TRAF2: variants seen among roughly 807,000 people sequenced by gnomAD.
TRAF2 encodes TNF receptor associated factor 2.
TRAF2 carries 6 observed loss-of-function variants against 55.6 expected under a neutral mutation model. The ratio of observed to expected loss-of-function variants is 0.11; its 90% CI spans 0.06 to 0.21. The LOEUF (loss-of-function observed/expected upper bound fraction) is 0.21. Among genes scored for constraint, TRAF2 ranks in the 10% least tolerant of loss-of-function variants. The probability of loss-of-function intolerance (pLI) is 1.00; values close to 1 mark genes in which losing one functional copy is unlikely to be tolerated. For missense variants in TRAF2, 561 were observed against 684.5 expected, an observed-to-expected ratio of 0.82 and a Z score of 2.01; for synonymous variants, 329 against 276.3, an observed-to-expected ratio of 1.19 and a Z score of -1.89.
At chr9:136,913,527 G>A (rs1409880930) in intron 6 of TRAF2, among the ~76,000 whole-genome samples, 2 of 151,614 alleles carry the variant, frequency 1.3e-5, no homozygotes, top group Admixed American at 1.3e-4. Context: ...TCAAACTCCT[G>A]ACCTCGTGAT....
intron 6 of TRAF2, among the ~76,000 whole-genome samples, chr9:136,913,339 C>G (rs1850166842): frequency 7.3e-6 from 1 of 137,508 alleles, no homozygotes; most frequent in African/African-American, 2.8e-5. Context: ...TCTCTGCCGC[C>G]CAGGCTGGAG....
upstream of TRAF2, among the ~76,000 whole-genome samples, chr9:136,885,858 A>T (rs1386816560): frequency 1.3e-5 from 2 of 152,174 alleles, no homozygotes; most frequent in Non-Finnish European, 2.9e-5. Flanking sequence ...GCAGAGCATT[A>T]CCTCACCCCA....
chr9:136,904,745 C>T (rs1402969800), intron 4 of TRAF2, among the ~76,000 whole-genome samples: 1 of 79,322 alleles, frequency 1.3e-5, no homozygotes, highest in Non-Finnish European at 2.6e-5. Flanking sequence ...AGAACATTGA[C>T]TATTTGTGCT....
intron 9 of TRAF2, 111 bp downstream of exon 9, chr9:136,921,326 C>T: frequency 1.5e-6 from 2 of 1,356,256 alleles, no homozygotes; most frequent in East Asian, 2.4e-5. Flanking sequence ...TGGGATACGA[C>T]CCCCAGTGAT....
At chr9:136,888,363 G>A (rs990814474) in intron 1 of TRAF2, among the ~76,000 whole-genome samples, 5 of 152,020 alleles carry the variant, frequency 3.3e-5, no homozygotes, top group Admixed American at 2.0e-4. Flanking sequence ...CCCGGGAGGC[G>A]GAGCTTGCAG....
At chr9:136,893,508 G>A (rs1000863388) in intron 1 of TRAF2, among the ~76,000 whole-genome samples, 1 of 152,214 alleles carries the variant, frequency 6.6e-6, no homozygotes, top group African/African-American at 2.4e-5. Context: ...CCTGTATGCG[G>A]CGTCAGTTTT....
rs1850002235 is a variant in TRAF2, at chr9:136,908,139, G to C, written c.436G>C (p.Gly146Arg). The C allele has an allele frequency of 6.2e-7, 1 of 1,605,220 alleles. No homozygotes were observed. The highest frequency in any genetic ancestry group is 1.3e-5 in the African/African-American group (1 of 74,938). Residue 146 changes from glycine to arginine, a missense_variant, in exon 5 of 11, where the codon GGT (glycine) becomes CGT (arginine). Physicochemically the swap from Gly to Arg is moderately radical, Grantham distance 125 (BLOSUM62 -2). Around this residue, in one of 2 missense-constraint regions of TRAF2, gnomAD observed 426 missense variants for 476.8 expected, o/e 0.89. Transcript: ENST00000247668. ...CGCGTGCAAAGGCCTGGTCCGCCTTGGTGAAAAGGAGCGCCACCTGGAGCA... is the reference window on the plus strand; with the variant it reads ...CGCGTGCAAAGGCCTGGTCCGCCTTCGTGAAAAGGAGCGCCACCTGGAGCA... Reference protein sequence around the residue: ...CPACKGLVRLGEKERHLEHEC... With the variant: ...CPACKGLVRLREKERHLEHEC...
At chr9:136,895,298 G>A (rs1368711237) in intron 1 of TRAF2, among the ~76,000 whole-genome samples, 2 of 152,220 alleles carry the variant, frequency 1.3e-5, no homozygotes, top group Non-Finnish European at 2.9e-5. Flanking sequence ...TCTGCCTGGT[G>A]GGTGGGTCCA....
chr9:136,907,393 C>T lies in TRAF2; in HGVS notation c.367-677C>T, dbSNP rs1849979746. On this transcript the variant is annotated intron_variant, in intron 4 of 10. Coordinates refer to ENST00000247668, the MANE Select transcript of TRAF2 (RefSeq NM_021138.4). ...TCCTGGGTGGCTCAGTGTGTGGGAACGTGTAGGTGCCTGAGTGACCTTCCT... is the reference window on the plus strand; with the variant it reads ...TCCTGGGTGGCTCAGTGTGTGGGAATGTGTAGGTGCCTGAGTGACCTTCCT... Among the ~76,000 whole-genome samples the T allele has an allele frequency of 2.0e-5, 3 of 152,372 alleles. No individual in the cohort carries two copies. The East Asian group carries it at 5.8e-4, about 29-fold the overall frequency.
chr9:136,893,360 G>C (rs767508844), intron 1 of TRAF2, among the ~76,000 whole-genome samples: 1 of 152,248 alleles, frequency 6.6e-6, no homozygotes, highest in Non-Finnish European at 1.5e-5. Context: ...CAGAAGCTGG[G>C]ATTGAAAGCA....
intron 4 of TRAF2, among the ~76,000 whole-genome samples, chr9:136,906,792 G>A (rs1447886482): frequency 6.6e-6 from 1 of 152,250 alleles, no homozygotes; most frequent in Admixed American, 6.5e-5. Flanking sequence ...GGCACGTTCA[G>A]TCTGCCGGCA....
intron 6 of TRAF2, among the ~76,000 whole-genome samples, chr9:136,913,979 G>A (rs1232869912): frequency 6.6e-6 from 1 of 152,238 alleles, no homozygotes. Flanking sequence ...CGCTGGATAG[G>A]AGAAGTGGGC....
chr9:136,914,854 C>A lies in TRAF2; in HGVS notation c.604-1687C>A, dbSNP rs557333245. ...GTATTCCACGGAGGCCCATTTGTTT[C>A]ATTTTGCTTTTGAGTTTTAAAGATT... On this transcript the variant is annotated intron_variant, in intron 6 of 10. Coordinates refer to ENST00000247668, the MANE Select transcript of TRAF2 (RefSeq NM_021138.4). Among the ~76,000 whole-genome samples the A allele has an allele frequency of 1.0e-3, 158 of 151,708 alleles. 5 individuals are homozygous for A. In the South Asian group the frequency reaches 0.031, roughly 30 times the overall value.
chr9:136,885,227 T>G (rs532320726), upstream of TRAF2, among the ~76,000 whole-genome samples: 5 of 152,332 alleles, frequency 3.3e-5, no homozygotes, highest in East Asian at 9.6e-4. Context: ...CTGCCCTGTT[T>G]TGCAGTGTAT....
upstream of TRAF2, among the ~76,000 whole-genome samples, chr9:136,885,695 G>T (rs1436976761): frequency 1.3e-5 from 2 of 152,132 alleles, no homozygotes; most frequent in Non-Finnish European, 2.9e-5. Context: ...TTGAACCCGG[G>T]AGGCGGAGGT....
At chr9:136,913,586 C>G (rs965720603) in intron 6 of TRAF2, among the ~76,000 whole-genome samples, 11 of 152,068 alleles carry the variant, frequency 7.2e-5, no homozygotes, top group Non-Finnish European at 1.5e-4. Context: ...TGTGAGCCAC[C>G]GTGCCCGGCT....
intron 9 of TRAF2, among the ~76,000 whole-genome samples, chr9:136,923,427 A>G (rs1442562429): frequency 6.6e-6 from 1 of 152,120 alleles, no homozygotes; most frequent in East Asian, 1.9e-4. Context: ...CCTGGCCAAC[A>G]TGGTAAAACC....
chr9:136,913,586 C>T (rs965720603), intron 6 of TRAF2, among the ~76,000 whole-genome samples: 1 of 152,068 alleles, frequency 6.6e-6, no homozygotes, highest in Non-Finnish European at 1.5e-5. Flanking sequence ...TGTGAGCCAC[C>T]GTGCCCGGCT....
At chr9:136,908,683 G>GGT (rs1449073962) in intron 5 of TRAF2, among the ~76,000 whole-genome samples, 1 of 152,144 alleles carries the variant, frequency 6.6e-6, no homozygotes, top group Non-Finnish European at 1.5e-5. Context: ...TGGCTAACAT[G>GGT]GTGAAACCCT....
Sources: gnomAD v4.1 joint callset for allele counts (sites outside exome capture counted in the v4.1 genomes callset) on GRCh38, gnomAD v4.1.1 for gene constraint, gnomAD v4.1.1 regional missense constraint, MANE v1.5 for transcripts, NCBI Gene and HGNC (gene_info 2026-07-23, HGNC 2026-07-21) for gene names.